ARHGAP24: variants seen among roughly 807,000 people sequenced by gnomAD.
ARHGAP24 encodes rho GTPase-activating protein 24.
Under a neutral mutation model 76.4 loss-of-function variants are expected in ARHGAP24, and 50 were observed. That is an observed-to-expected ratio of 0.65 (90% CI 0.52 to 0.83). The LOEUF (loss-of-function observed/expected upper bound fraction) is 0.83. Among genes scored for constraint, ARHGAP24 ranks in the 40% least tolerant of loss-of-function variants. The pLI is 0.00. For missense variants in ARHGAP24, 930 were observed against 914.2 expected (o/e 1.02, Z -0.22); for synonymous variants, 345 against 323.3 (o/e 1.07, Z -0.72).
chr4:85,929,284 T>G (rs993219440), intron 4 of ARHGAP24, among the ~76,000 whole-genome samples: 1 of 152,214 alleles, frequency 6.6e-6, no homozygotes, highest in African/African-American at 2.4e-5. Context: ...TAAATAATAA[T>G]AATCCTTTCA....
chr4:85,866,758 A>G (rs1437188390), intron 3 of ARHGAP24, among the ~76,000 whole-genome samples: 1 of 152,026 alleles, frequency 6.6e-6, no homozygotes, highest in Non-Finnish European at 1.5e-5. Flanking sequence ...GGCCATGGAG[A>G]CATAACCAAG....
At chr4:85,653,895 T>A (rs1722037999) in intron 2 of ARHGAP24, among the ~76,000 whole-genome samples, 1 of 152,084 alleles carries the variant, frequency 6.6e-6, no homozygotes, top group Non-Finnish European at 1.5e-5. Context: ...AATATTTCCA[T>A]CATGGAAGAA....
intron 2 of ARHGAP24, among the ~76,000 whole-genome samples, chr4:85,587,090 G>A (rs1339533616): frequency 6.6e-6 from 1 of 152,002 alleles, no homozygotes; most frequent in African/African-American, 2.4e-5. Context: ...TTCTCTATTG[G>A]AATTTTAAAA....
At chr4:85,690,012 A>T (rs1316893433) in intron 2 of ARHGAP24, among the ~76,000 whole-genome samples, 2 of 152,020 alleles carry the variant, frequency 1.3e-5, no homozygotes, top group Non-Finnish European at 2.9e-5. Flanking sequence ...GTCATAGATG[A>T]CTTTTATTTT....
chr4:85,495,705 A>G (rs1213366445), intron 1 of ARHGAP24, among the ~76,000 whole-genome samples: 1 of 151,996 alleles, frequency 6.6e-6, no homozygotes, highest in Non-Finnish European at 1.5e-5. Context: ...GGGGAGATTG[A>G]CTACTAGTAG....
rs188098285 is a variant in ARHGAP24, at chr4:85,720,935, A to G, written c.181-950A>G. Among the ~76,000 whole-genome samples, 20 of 152,322 alleles carry G rather than the reference A, an allele frequency of 1.3e-4. No individual in the cohort carries two copies. In the East Asian group the frequency reaches 1.7e-3, roughly 13 times the overall value. ...GTCATGTAAGTGGAATGCTGGGTGC[A>G]TCAACCAGGCTGCAGTGGGTACAGT... On this transcript the variant is annotated intron_variant, in intron 2 of 9. Transcript: ENST00000395184.
intron 3 of ARHGAP24, among the ~76,000 whole-genome samples, chr4:85,811,981 G>A (rs1295162585): frequency 6.6e-6 from 1 of 152,114 alleles, no homozygotes. Flanking sequence ...TTTGAGACCA[G>A]TCTGACCCAT....
intron 3 of ARHGAP24, among the ~76,000 whole-genome samples, chr4:85,820,099 A>C (rs1322214336): frequency 6.6e-6 from 1 of 152,234 alleles, no homozygotes; most frequent in Non-Finnish European, 1.5e-5. Context: ...ACTCAAAAGC[A>C]GAATTGCCAT....
At chr4:85,485,376 A>AAAAATAT (rs1723001883) in intron 1 of ARHGAP24, among the ~76,000 whole-genome samples, 1 of 45,060 alleles carries the variant, frequency 2.2e-5, no homozygotes, top group Non-Finnish European at 3.7e-5. Context: ...AAAAAAAAAA[A>AAAAATAT]ATATATATAT....
chr4:85,587,939 G>A (rs1727927444), intron 2 of ARHGAP24, among the ~76,000 whole-genome samples: 1 of 152,184 alleles, frequency 6.6e-6, no homozygotes, highest in Admixed American at 6.5e-5. Flanking sequence ...CAATACTGGT[G>A]CAGTGGTGGT....
At chr4:85,592,175 G>A (rs1045540756) in intron 2 of ARHGAP24, among the ~76,000 whole-genome samples, 2 of 152,078 alleles carry the variant, frequency 1.3e-5, no homozygotes, top group Non-Finnish European at 1.5e-5. Flanking sequence ...ATTTTTGTGG[G>A]TGCATAGTAG....
intron 3 of ARHGAP24, among the ~76,000 whole-genome samples, chr4:85,883,498 T>A (rs969068923): frequency 6.6e-6 from 1 of 152,144 alleles, no homozygotes; most frequent in Non-Finnish European, 1.5e-5. Context: ...ATGAACAGAC[T>A]TATTTAGGGA....
chr4:85,647,986 T>G (rs1355080301), intron 2 of ARHGAP24, among the ~76,000 whole-genome samples: 1 of 152,186 alleles, frequency 6.6e-6, no homozygotes, highest in East Asian at 1.9e-4. Flanking sequence ...CAGCAATCCT[T>G]AGAAAAATGG....
Position 85,482,448 on chromosome 4 carries a change from C to T in ARHGAP24, c.-21+6889C>T, listed in dbSNP as rs79166153. 3.3e-3 allele frequency among the ~76,000 whole-genome samples: 501 copies of T among 152,150 alleles called. 2 individuals are homozygous for T. The highest frequency in any genetic ancestry group is 0.011 in the African/African-American group (475 of 41,490). On this transcript the variant is annotated intron_variant, in intron 1 of 9. Transcript: ENST00000395184. ...CAAGGAGGAGCTGGGGTCTTTGTGC[C>T]TGGAGACAGGTAGAAGCCATGGGAA...
intron 3 of ARHGAP24, among the ~76,000 whole-genome samples, chr4:85,750,785 A>G (rs1298665831): frequency 1.3e-5 from 2 of 152,086 alleles, no homozygotes; most frequent in South Asian, 2.1e-4. Flanking sequence ...GATGTGAGCC[A>G]CTAGGCCTGG....
intron 3 of ARHGAP24, among the ~76,000 whole-genome samples, chr4:85,917,613 T>C (rs189677389): frequency 2.6e-4 from 39 of 152,322 alleles, no homozygotes; most frequent in Middle Eastern, 6.8e-3. Flanking sequence ...TTCTAACTGG[T>C]GTGAGATGGT....
intron 3 of ARHGAP24, among the ~76,000 whole-genome samples, chr4:85,837,566 T>G (rs1578279350): frequency 6.6e-6 from 1 of 151,136 alleles, no homozygotes. Flanking sequence ...TGTCCTGGAG[T>G]CATCTTGGGC....
At chr4:85,977,083 C>A (rs931376612) in intron 7 of ARHGAP24, among the ~76,000 whole-genome samples, 1 of 151,966 alleles carries the variant, frequency 6.6e-6, no homozygotes, top group East Asian at 1.9e-4. Context: ...CCACCATGTC[C>A]GGCCTGTATT....
At chr4:85,519,285 C>T (rs1724645877) in intron 1 of ARHGAP24, among the ~76,000 whole-genome samples, 1 of 152,046 alleles carries the variant, frequency 6.6e-6, no homozygotes. Flanking sequence ...TGCCATTGTT[C>T]TATATATTTA....
Sources: allele counts gnomAD v4.1 joint callset (sites outside exome capture counted in the v4.1 genomes callset), GRCh38; gene constraint gnomAD v4.1.1; transcripts MANE v1.5; gene names NCBI Gene and HGNC (gene_info 2026-07-23, HGNC 2026-07-21).